Variants in PRR5L observed in about 807,000 individuals in gnomAD.
PRR5L encodes the protein proline rich 5 like, also known as proline-rich protein 5-like.
Under a neutral mutation model 36.4 loss-of-function variants are expected in PRR5L, and 21 were observed. The observed-to-expected ratio is 0.58, with a 90% CI of 0.41 to 0.83. PRR5L has a LOEUF of 0.83. Ranked by LOEUF, PRR5L falls within the 40% of genes least tolerant of loss-of-function variation. The probability of loss-of-function intolerance (pLI) is 0.00; values close to 1 mark genes in which losing one functional copy is unlikely to be tolerated. For missense variants in PRR5L, 381 were observed against 473.3 expected (o/e 0.80, Z 1.81); for synonymous variants, 188 against 197.0 (o/e 0.95, Z 0.38).
intron 4 of PRR5L, among the ~76,000 whole-genome samples, chr11:36,429,286 A>G (rs536621723): frequency 4.6e-5 from 7 of 152,346 alleles, no homozygotes; most frequent in African/African-American, 1.7e-4. Flanking sequence ...AAAAATCTTT[A>G]TCACTAAAAT....
At chr11:36,380,303 C>T (rs998506662) in intron 1 of PRR5L, among the ~76,000 whole-genome samples, 3 of 152,158 alleles carry the variant, frequency 2.0e-5, no homozygotes, top group Non-Finnish European at 2.9e-5. Flanking sequence ...GGATGGCTGT[C>T]GCATTGCAGA....
At chr11:36,311,426 CA>C (rs1479857991) in intron 1 of PRR5L, among the ~76,000 whole-genome samples, 1 of 152,162 alleles carries the variant, frequency 6.6e-6, no homozygotes, top group Non-Finnish European at 1.5e-5. Flanking sequence ...GCCAAAGAAG[CA>C]AAGGCCTCCC....
At chr11:36,351,252 A>T (rs1856940739) in intron 1 of PRR5L, among the ~76,000 whole-genome samples, 1 of 53,902 alleles carries the variant, frequency 1.9e-5, no homozygotes, top group African/African-American at 8.3e-5. Flanking sequence ...ATATATTTTT[A>T]TATATGTATA....
In PRR5L at chr11:36,379,499, A is replaced by G. The variant is rs533368959; in HGVS notation, c.-125-21498A>G. On this transcript the variant is annotated intron_variant, in intron 1 of 8. Coordinates refer to ENST00000530639, the MANE Select transcript of PRR5L (RefSeq NM_001160167.2). ...TCTCAAGAGTTGCCTCTCTGTATGT[A>G]AAATGTAAATACATGTTAAAGGCAA... is the stretch of plus-strand genomic sequence containing the variant. 13 of 152,386 alleles carry G rather than the reference A, an allele frequency of 8.5e-5. No individual in the cohort carries two copies. The South Asian group carries it at 2.7e-3, about 32-fold the overall frequency. 9.4% of individuals were successfully genotyped at this position (152,386 alleles called of 1,614,324 possible).
chr11:36,356,771 T>C (rs972681417), intron 1 of PRR5L, among the ~76,000 whole-genome samples: 1 of 152,212 alleles, frequency 6.6e-6, no homozygotes, highest in East Asian at 1.9e-4. Context: ...TTCTGATTGC[T>C]CCATTAAGTG....
chr11:36,334,735 T>C (rs1856752121), intron 1 of PRR5L, among the ~76,000 whole-genome samples: 1 of 152,204 alleles, frequency 6.6e-6, no homozygotes, highest in Non-Finnish European at 1.5e-5. Flanking sequence ...ATCTTCCTCA[T>C]ACACTAGACT....
intron 1 of PRR5L, among the ~76,000 whole-genome samples, chr11:36,310,131 C>A (rs187392011): frequency 6.6e-6 from 1 of 152,046 alleles, no homozygotes; most frequent in African/African-American, 2.4e-5. Context: ...ACAAATGGTA[C>A]CCCAATTTAC....
At chr11:36,332,615 G>T (rs1354822355) in intron 1 of PRR5L, among the ~76,000 whole-genome samples, 2 of 152,186 alleles carry the variant, frequency 1.3e-5, no homozygotes, top group Non-Finnish European at 2.9e-5. Context: ...CAGTGGTGGA[G>T]GTGGGGCCTG....
Position 36,304,270 on chromosome 11 carries a change from T to C in PRR5L, c.-126+7832T>C, listed in dbSNP as rs144616658. Among the ~76,000 whole-genome samples the C allele has an allele frequency of 8.3e-3, 1,258 of 152,352 alleles. 16 individuals are homozygous for C. The highest frequency in any genetic ancestry group is 0.029 in the African/African-American group (1,200 of 41,568). On this transcript the variant is annotated intron_variant, in intron 1 of 8. Transcript: ENST00000530639. Reference sequence around the variant, plus strand: ...GTTCATCTACATATGTTCCTGCCTTTCATTCCTCTGTCTCAAGGAATTGTT... The same window carrying C: ...GTTCATCTACATATGTTCCTGCCTTCCATTCCTCTGTCTCAAGGAATTGTT...
At chr11:36,442,340 T>C (rs1177183513) in intron 6 of PRR5L, among the ~76,000 whole-genome samples, 1 of 126,814 alleles carries the variant, frequency 7.9e-6, no homozygotes, top group Non-Finnish European at 1.7e-5. Context: ...GCTTTGTTTC[T>C]TATAATTTTT....
rs79131346 is a variant in PRR5L, at chr11:36,297,135, G to A, written c.-126+697G>A. Among the ~76,000 whole-genome samples, 20 of 152,222 alleles carry A rather than the reference G, an allele frequency of 1.3e-4. 1 individual carries two copies. In the East Asian group the frequency reaches 3.3e-3, roughly 25 times the overall value. ...TACGGATAATTTAAGTCATTCACCC[G>A]GGGTCACACAGTTGTTAAATGGCAG... On this transcript the variant is annotated intron_variant, in intron 1 of 8. Transcript: ENST00000530639.
At chr11:36,328,113 G>C (rs934506924) in intron 1 of PRR5L, among the ~76,000 whole-genome samples, 22 of 152,192 alleles carry the variant, frequency 1.4e-4, no homozygotes, top group African/African-American at 5.3e-4. Context: ...GTATGTACAT[G>C]AAGCTCACAG....
intron 1 of PRR5L, among the ~76,000 whole-genome samples, chr11:36,383,416 A>C: frequency 6.6e-6 from 1 of 152,212 alleles, no homozygotes; most frequent in Non-Finnish European, 1.5e-5. Flanking sequence ...CCGTGGGCCA[A>C]ACTTTGGCAT....
intron 1 of PRR5L, among the ~76,000 whole-genome samples, chr11:36,350,927 T>C (rs191067407): frequency 1.5e-3 from 64 of 43,814 alleles, no homozygotes; most frequent in East Asian, 8.1e-3. Context: ...TATTTATATA[T>C]ATTTATATAT....
In PRR5L at chr11:36,341,238, G is replaced by T. The variant is rs190108066; in HGVS notation, c.-126+44800G>T. 2.8e-4 allele frequency among the ~76,000 whole-genome samples: 43 copies of T among 152,284 alleles called. No homozygotes were observed. The East Asian group carries it at 7.5e-3, about 27-fold the overall frequency. ...AGAGAGAGATTAATTTGGGGGCAGGGTTACTTGCCTGGCAGCCATGGGAAA... is the reference window on the plus strand; with the variant it reads ...AGAGAGAGATTAATTTGGGGGCAGGTTTACTTGCCTGGCAGCCATGGGAAA... On this transcript the variant is annotated intron_variant, in intron 1 of 8. Transcript: ENST00000530639.
chr11:36,425,819 A>T (rs2292648), intron 4 of PRR5L: 2 of 97,568 alleles, frequency 2.0e-5, no homozygotes, highest in African/African-American at 8.7e-5. Flanking sequence ...GTCATAGAGG[A>T]AAAAAAAAAA....
rs139976183 is a variant in PRR5L at position 36,347,053 on chromosome 11, A to G, written c.-126+50615A>G. On this transcript the variant is annotated intron_variant, in intron 1 of 8. Coordinates refer to ENST00000530639, the MANE Select transcript of PRR5L (RefSeq NM_001160167.2). ...GCAGATACTTTGCATAGTGTATAATATCTTTGAAAAGAAACTTTGAATATC... is the reference window on the plus strand; with the variant it reads ...GCAGATACTTTGCATAGTGTATAATGTCTTTGAAAAGAAACTTTGAATATC... 8.6e-3 allele frequency among the ~76,000 whole-genome samples: 1,315 copies of G among 152,358 alleles called. 13 individuals are homozygous for G. The highest frequency in any genetic ancestry group is 0.013 in the Non-Finnish European group (890 of 68,028).
At chr11:36,414,246 G>T (rs1410392810) in intron 3 of PRR5L, among the ~76,000 whole-genome samples, 1 of 151,138 alleles carries the variant, frequency 6.6e-6, no homozygotes, top group Non-Finnish European at 1.5e-5. Context: ...GGATGGCTGG[G>T]TCAAATGGTA....
At chr11:36,392,201 T>C (rs1188946788) in intron 1 of PRR5L, among the ~76,000 whole-genome samples, 1 of 152,236 alleles carries the variant, frequency 6.6e-6, no homozygotes, top group African/African-American at 2.4e-5. Context: ...CCACATTTTC[T>C]TCATCCATTC....
Sources: gnomAD v4.1 joint callset for allele counts (sites outside exome capture counted in the v4.1 genomes callset) on GRCh38, gnomAD v4.1.1 for gene constraint, MANE v1.5 for transcripts, NCBI Gene and HGNC (gene_info 2026-07-23, HGNC 2026-07-21) for gene names.